Variants in LGR6 observed in about 807,000 individuals in gnomAD.
The protein encoded by LGR6 is leucine rich repeat containing G protein-coupled receptor 6.
LGR6 carries 45 observed loss-of-function variants against 69.4 expected under a neutral mutation model. The ratio of observed to expected loss-of-function variants is 0.65; its 90% CI spans 0.51 to 0.83. The LOEUF is 0.83. LGR6 is among the 40% of genes least tolerant of loss of function. The pLI is 0.00. For missense variants in LGR6, 1,108 were observed against 1,246.7 expected (o/e 0.89, Z 1.68); for synonymous variants, 538 against 555.0 (o/e 0.97, Z 0.43).
At chr1:202,314,672 G>A (rs942313872) in intron 16 of LGR6, 130 bp from the exon 17 acceptor site, 24 of 672,378 alleles carry the variant, frequency 3.6e-5, no homozygotes, top group Non-Finnish European at 5.7e-5. Context: ...TGGATGTGCC[G>A]GGTTGCTAGA....
chr1:202,272,130 T>C (rs1254046475), intron 4 of LGR6, among the ~76,000 whole-genome samples: 9 of 152,214 alleles, frequency 5.9e-5, no homozygotes, highest in Admixed American at 5.2e-4. Flanking sequence ...TATTCAAACT[T>C]ATACTTGCTT....
chr1:202,305,117 A>G (rs965809435), intron 11 of LGR6, among the ~76,000 whole-genome samples: 2 of 152,096 alleles, frequency 1.3e-5, no homozygotes, highest in African/African-American at 4.8e-5. Context: ...GGGTGGACCA[A>G]CGCATAGTGT....
intron 4 of LGR6, among the ~76,000 whole-genome samples, chr1:202,274,402 A>T (rs917715966): frequency 1.3e-5 from 2 of 152,162 alleles, no homozygotes; most frequent in Non-Finnish European, 2.9e-5. Flanking sequence ...GGAGTAATTT[A>T]TGATCAAATC....
intron 2 of LGR6, among the ~76,000 whole-genome samples, chr1:202,227,119 G>A (rs1190158637): frequency 6.6e-6 from 1 of 151,510 alleles, no homozygotes; most frequent in Non-Finnish European, 1.5e-5. Flanking sequence ...TTTCCACATA[G>A]TTTTTTTTTA....
intron 4 of LGR6, among the ~76,000 whole-genome samples, chr1:202,254,737 C>T (rs1042834528): frequency 6.6e-6 from 1 of 152,062 alleles, no homozygotes; most frequent in Admixed American, 6.6e-5. Flanking sequence ...TGTGCCAGCA[C>T]TGTGCCAGTT....
chr1:202,237,969 G>T (rs1661731538), intron 4 of LGR6, among the ~76,000 whole-genome samples: 1 of 148,956 alleles, frequency 6.7e-6, no homozygotes. Flanking sequence ...TATAGTCAAT[G>T]TGAGGGGGAT....
At chr1:202,214,675 C>T (rs1327362710) in intron 1 of LGR6, among the ~76,000 whole-genome samples, 2 of 152,166 alleles carry the variant, frequency 1.3e-5, no homozygotes, top group Non-Finnish European at 2.9e-5. Context: ...GCTTCGTTCC[C>T]TGACCTATTA....
chr1:202,289,539 A>G (rs535721318), intron 6 of LGR6, among the ~76,000 whole-genome samples: 2 of 152,232 alleles, frequency 1.3e-5, no homozygotes, highest in African/African-American at 4.8e-5. Flanking sequence ...GGCAAGAAAG[A>G]GAACGTAGGT....
At chr1:202,273,688 T>C (rs560992115) in intron 4 of LGR6, among the ~76,000 whole-genome samples, 1 of 152,012 alleles carries the variant, frequency 6.6e-6, no homozygotes, top group African/African-American at 2.4e-5. Context: ...AACTCCGACA[T>C]CAGGTGATCC....
chr1:202,267,629 C>T (rs1311182351), intron 4 of LGR6, among the ~76,000 whole-genome samples: 1 of 152,130 alleles, frequency 6.6e-6, no homozygotes, highest in African/African-American at 2.4e-5. Flanking sequence ...AAGGTTCCTA[C>T]TCCACAGGGC....
At chr1:202,281,873 G>A (rs1054757116) in intron 6 of LGR6, among the ~76,000 whole-genome samples, 2 of 152,098 alleles carry the variant, frequency 1.3e-5, no homozygotes, top group Non-Finnish European at 2.9e-5. Context: ...AGGAGAAAAT[G>A]CTGAGTCAAG....
intron 6 of LGR6, among the ~76,000 whole-genome samples, 196 bp from the exon 7 acceptor site, chr1:202,297,312 T>G (rs1050260565): frequency 6.6e-6 from 1 of 152,200 alleles, no homozygotes; most frequent in Non-Finnish European, 1.5e-5. Context: ...CCAGGAAGAT[T>G]CCACGCCTGA....
intron 4 of LGR6, among the ~76,000 whole-genome samples, chr1:202,263,915 C>T (rs1277996705): frequency 1.3e-5 from 2 of 152,104 alleles, no homozygotes; most frequent in Non-Finnish European, 2.9e-5. Flanking sequence ...GATCTTGAAG[C>T]CCAAGCCAAA....
In LGR6 at chr1:202,262,629, T is replaced by A. The variant is rs112808872; in HGVS notation, c.429-13677T>A. 8.0e-3 allele frequency among the ~76,000 whole-genome samples: 1,221 copies of A among 152,344 alleles called. 18 individuals are homozygous for A. Among genetic ancestry groups the A allele is most frequent in the African/African-American group, 0.028 (1,146 of 41,576 alleles). On this transcript the variant is annotated intron_variant, in intron 4 of 17. Transcript: ENST00000367278. ...TTCAGTTACAGCTATCATGTGCTTC[T>A]GCTCCATTCACTCTGGGTTTAATCC...
Position 202,290,821 on chromosome 1 carries a change from G to A in LGR6, c.717-6687G>A, listed in dbSNP as rs370437948. ...GGAGGTTGTAGTGAGCTGAGATCGC[G>A]CCATTGCCCTCCAGCCTGGGCAACA... On this transcript the variant is annotated intron_variant, in intron 6 of 17. Coordinates refer to ENST00000367278, the MANE Select transcript of LGR6 (RefSeq NM_001017403.2). Among the ~76,000 whole-genome samples, 683 of 152,260 alleles carry A rather than the reference G, an allele frequency of 4.5e-3. 3 individuals are homozygous for A. The highest frequency in any genetic ancestry group is 0.016 in the African/African-American group (652 of 41,550).
chr1:202,203,490 A>G (rs1007911688), intron 1 of LGR6, among the ~76,000 whole-genome samples: 26 of 152,188 alleles, frequency 1.7e-4, no homozygotes, highest in Non-Finnish European at 2.9e-5. Flanking sequence ...CCCCTTGTTA[A>G]TAACCAATGA....
At chr1:202,256,886 CT>C (rs1421657227) in intron 4 of LGR6, among the ~76,000 whole-genome samples, 1 of 152,116 alleles carries the variant, frequency 6.6e-6, no homozygotes, top group Non-Finnish European at 1.5e-5. Flanking sequence ...CTTGTTATGT[CT>C]TTTTGATTAT....
At chr1:202,292,634 C>T (rs1571979126) in intron 6 of LGR6, among the ~76,000 whole-genome samples, 1 of 151,334 alleles carries the variant, frequency 6.6e-6, no homozygotes, top group African/African-American at 2.4e-5. Flanking sequence ...ACTTCTGACA[C>T]ACCTACTGTG....
intron 4 of LGR6, among the ~76,000 whole-genome samples, chr1:202,250,884 C>T (rs1480880027): frequency 1.3e-5 from 2 of 152,192 alleles, no homozygotes; most frequent in Admixed American, 6.5e-5. Flanking sequence ...TGAATTTAAA[C>T]TCAAGTATGT....
Sources: allele counts gnomAD v4.1 joint callset (sites outside exome capture counted in the v4.1 genomes callset), GRCh38; gene constraint gnomAD v4.1.1; transcripts MANE v1.5; gene names NCBI Gene and HGNC (gene_info 2026-07-23, HGNC 2026-07-21).